Variants in ACER3 observed in about 807,000 individuals in gnomAD.
The protein encoded by ACER3 is alkaline ceramidase 3.
In ACER3, 16 loss-of-function variants were observed where a neutral mutation model predicts 48.9. The observed-to-expected ratio is 0.33, with a 90% CI of 0.22 to 0.50. The LOEUF (loss-of-function observed/expected upper bound fraction) is 0.50, where lower values mean the gene tolerates loss of function less well. ACER3 is among the 20% of genes least tolerant of loss of function. ACER3 has a pLI of 0.98. For synonymous variants in ACER3, 109 were observed against 107.8 expected, an observed-to-expected ratio of 1.01 and a Z score of -0.07; for missense variants, 227 against 326.0, an observed-to-expected ratio of 0.70 and a Z score of 2.34.
At chr11:76,999,582 A>G (rs1285636316) in intron 7 of ACER3, among the ~76,000 whole-genome samples, 2 of 152,110 alleles carry the variant, frequency 1.3e-5, no homozygotes, top group Admixed American at 6.5e-5. Flanking sequence ...AAGGATGTCT[A>G]TGTTGCCCTT....
At chr11:76,911,976 C>G (rs959928395) in intron 1 of ACER3, among the ~76,000 whole-genome samples, 1 of 152,124 alleles carries the variant, frequency 6.6e-6, no homozygotes, top group Non-Finnish European at 1.5e-5. Context: ...CTAGGGAATT[C>G]ATCCTGTGAA....
rs774470717 is a variant in ACER3 at position 76,861,058 on chromosome 11, A to G, written c.82A>G (p.Thr28Ala). The change falls in exon 1 of 11, where the codon ACC becomes GCC. Residue 28 changes from threonine (T) to alanine (A), a missense_variant. By Grantham distance (58) the Thr-to-Ala change is moderately conservative. This residue lies in a region of ACER3 where 195 missense variants were observed against 290.8 expected (regional missense o/e 0.67). Transcript: ENST00000532485. ...CTGGTGCGAGGAGAACTACTCCGTGACCTGGTACATCGCCGAGTTCTGTGA... is the reference window on the plus strand; with the variant it reads ...CTGGTGCGAGGAGAACTACTCCGTGGCCTGGTACATCGCCGAGTTCTGTGA... Reference protein sequence around the residue: ...LDWCEENYSVTWYIAEFWNTV... With the variant: ...LDWCEENYSVAWYIAEFWNTV... 17 of 1,547,456 alleles carry G rather than the reference A, an allele frequency of 1.1e-5. No individual in the cohort carries two copies. The highest frequency in any genetic ancestry group is 1.4e-5 in the Non-Finnish European group (16 of 1,145,872).
chr11:77,000,649 A>G (rs1949013645), intron 7 of ACER3, among the ~76,000 whole-genome samples: 1 of 152,116 alleles, frequency 6.6e-6, no homozygotes, highest in Non-Finnish European at 1.5e-5. Flanking sequence ...CTGTTCTAAG[A>G]CCCATTAGTG....
intron 7 of ACER3, among the ~76,000 whole-genome samples, chr11:77,005,954 G>GTATATTATATATATATAAATATATATA (rs1949126322): frequency 1.9e-5 from 2 of 105,526 alleles, no homozygotes; most frequent in Non-Finnish European, 3.9e-5. Flanking sequence ...TAATATATAT[G>GTATATTATATATATATAAATATATATA]TATATTATAT....
At chr11:76,908,384 A>T (rs772717014) in intron 1 of ACER3, among the ~76,000 whole-genome samples, 2 of 152,220 alleles carry the variant, frequency 1.3e-5, no homozygotes, top group Non-Finnish European at 2.9e-5. Flanking sequence ...CCTTAAGCTG[A>T]TAAGCAACTT....
chr11:76,875,416 A>G (rs1945347728), intron 1 of ACER3, among the ~76,000 whole-genome samples: 1 of 152,014 alleles, frequency 6.6e-6, no homozygotes, highest in Non-Finnish European at 1.5e-5. Flanking sequence ...GCGCCCGGCC[A>G]ACATTTCATT....
chr11:76,932,732 T>C (rs1590950816), intron 2 of ACER3, among the ~76,000 whole-genome samples: 1 of 152,212 alleles, frequency 6.6e-6, no homozygotes, highest in South Asian at 2.1e-4. Context: ...AACAGTATTA[T>C]GACCTTCAAT....
chr11:76,949,414 G>A (rs11237027), intron 2 of ACER3, among the ~76,000 whole-genome samples: 86,840 of 151,988 alleles, frequency 0.57, 28,004 homozygotes, highest in Non-Finnish European at 0.74. Context: ...GTCACAAACA[G>A]GCAAGTCAAA....
rs551317554 is a variant in ACER3 at position 76,929,368 on chromosome 11, C to T, written c.214+2701C>T. 3.2e-4 allele frequency among the ~76,000 whole-genome samples: 49 copies of T among 152,272 alleles called. No individual in the cohort carries two copies. The South Asian group carries it at 8.7e-3, about 27-fold the overall frequency. ...AGCTTAAGGAGATTTTGGGCTGAGA[C>T]GATGGGGTTTTCCAGATATACAATC... On this transcript the variant is annotated intron_variant, in intron 2 of 10. Coordinates refer to ENST00000532485, the MANE Select transcript of ACER3 (RefSeq NM_018367.7).
chr11:76,987,280 TA>T (rs1948705014), intron 5 of ACER3, among the ~76,000 whole-genome samples: 1 of 152,058 alleles, frequency 6.6e-6, no homozygotes, highest in Non-Finnish European at 1.5e-5. Flanking sequence ...GAAACGGTCA[TA>T]AGTAACAAAC....
chr11:76,997,308 A>G (rs965632738), intron 6 of ACER3, among the ~76,000 whole-genome samples: 1 of 152,176 alleles, frequency 6.6e-6, no homozygotes, highest in African/African-American at 2.4e-5. Flanking sequence ...CTATGTGTTT[A>G]TAAAGTACTC....
At chr11:77,017,656 G>A (rs1473722489) in intron 9 of ACER3, among the ~76,000 whole-genome samples, 1 of 152,090 alleles carries the variant, frequency 6.6e-6, no homozygotes, top group African/African-American at 2.4e-5. Flanking sequence ...AAGGCCACAG[G>A]TAGCCAGATC....
chr11:76,868,627 G>A (rs1210834166), intron 1 of ACER3, among the ~76,000 whole-genome samples: 1 of 152,208 alleles, frequency 6.6e-6, no homozygotes, highest in Admixed American at 6.5e-5. Flanking sequence ...TCATTACAGA[G>A]AGAGTCCTGC....
Position 76,983,796 on chromosome 11 carries a change from ATT to A in ACER3, c.321-1834_321-1833del, listed in dbSNP as rs35508689. Among the ~76,000 whole-genome samples the A allele has an allele frequency of 8.5e-3, 1,223 of 144,088 alleles. 8 individuals carry two copies. Among genetic ancestry groups the A allele is most frequent in the African/African-American group, 0.028 (1,119 of 39,362 alleles). The allele number at this position is 144,088 out of a possible 152,430, so 94.5% of individuals were successfully genotyped here. Reference sequence around the variant, plus strand: ...TGTGAAGCAGTCTAGACCTCTAATGATTTTTTTTTTTTTTGAGACAGTCTCAC... The same window carrying A: ...TGTGAAGCAGTCTAGACCTCTAATGATTTTTTTTTTTTGAGACAGTCTCAC... On this transcript the variant is annotated intron_variant, in intron 4 of 10. Transcript: ENST00000532485.
At chr11:76,912,391 C>G (rs1174293383) in intron 1 of ACER3, among the ~76,000 whole-genome samples, 1 of 151,906 alleles carries the variant, frequency 6.6e-6, no homozygotes, top group Non-Finnish European at 1.5e-5. Flanking sequence ...TTTAAGCTAC[C>G]CAGTTTGTGG....
intron 2 of ACER3, among the ~76,000 whole-genome samples, chr11:76,941,947 T>TGG (rs1947352336): frequency 4.6e-5 from 7 of 152,202 alleles, no homozygotes; most frequent in Admixed American, 2.0e-4. Context: ...GGAATTGCTT[T>TGG]CCTGATTTGG....
At chr11:76,931,754 T>G (rs957563396) in intron 2 of ACER3, among the ~76,000 whole-genome samples, 4 of 151,984 alleles carry the variant, frequency 2.6e-5, no homozygotes, top group East Asian at 1.9e-4. Flanking sequence ...TGAAATTCTG[T>G]GTTGAAAATT....
chr11:76,893,934 T>C (rs1945869083), intron 1 of ACER3, among the ~76,000 whole-genome samples: 1 of 152,220 alleles, frequency 6.6e-6, no homozygotes, highest in African/African-American at 2.4e-5. Flanking sequence ...GTTCATTCAT[T>C]TGTGGAGTGA....
chr11:76,909,496 A>G (rs1381434668), intron 1 of ACER3, among the ~76,000 whole-genome samples: 5 of 152,294 alleles, frequency 3.3e-5, no homozygotes, highest in Admixed American at 3.3e-4. Context: ...AGACATTTAT[A>G]TGGCCAACAA....
Sources: allele counts gnomAD v4.1 joint callset (sites outside exome capture counted in the v4.1 genomes callset), GRCh38; gene constraint gnomAD v4.1.1; regional missense constraint gnomAD v4.1.1; transcripts MANE v1.5; gene names NCBI Gene and HGNC (gene_info 2026-07-23, HGNC 2026-07-21).